Variants in PDE4D observed in about 807,000 individuals in gnomAD.
PDE4D encodes 3',5'-cyclic-AMP phosphodiesterase 4D.
A neutral mutation model predicts 87.4 loss-of-function variants in PDE4D; 24 were observed. The ratio of observed to expected loss-of-function variants is 0.27; its 90% CI spans 0.20 to 0.39. The LOEUF (loss-of-function observed/expected upper bound fraction) is 0.39. Among genes scored for constraint, PDE4D ranks in the 10% least tolerant of loss-of-function variants. The pLI, the probability that PDE4D is intolerant of heterozygous loss-of-function variation, is 1.00. For missense variants in PDE4D, 714 were observed against 1,041.0 expected (o/e 0.69, Z 4.32); for synonymous variants, 384 against 383.2 (o/e 1.00, Z -0.02).
intron 1 of PDE4D, among the ~76,000 whole-genome samples, chr5:60,407,751 C>T (rs1583655732): frequency 6.6e-6 from 1 of 152,014 alleles, no homozygotes; most frequent in African/African-American, 2.4e-5. Flanking sequence ...CCACGCTTGG[C>T]CCCTTATATT....
intron 2 of PDE4D, among the ~76,000 whole-genome samples, chr5:60,119,604 T>G (rs1778488134): frequency 6.6e-6 from 1 of 152,204 alleles, no homozygotes; most frequent in African/African-American, 2.4e-5. Flanking sequence ...TTCAGTTTCT[T>G]CATTTATTAT....
At chr5:59,966,522 C>G (rs374147428) in intron 3 of PDE4D, among the ~76,000 whole-genome samples, 1 of 152,148 alleles carries the variant, frequency 6.6e-6, no homozygotes, top group African/African-American at 2.4e-5. Flanking sequence ...AAATAAGAAG[C>G]CACCCATAGA....
chr5:59,373,201 G>T (rs940119796), intron 1 of PDE4D, among the ~76,000 whole-genome samples: 1 of 152,100 alleles, frequency 6.6e-6, no homozygotes, highest in Non-Finnish European at 1.5e-5. Context: ...GACAGAAATA[G>T]AATTCAAAAT....
chr5:59,079,848 G>GGGAGAGGAGAGGAGAGGAGAGGAGA (rs36226812), intron 5 of PDE4D, among the ~76,000 whole-genome samples: 2 of 97,976 alleles, frequency 2.0e-5, no homozygotes, highest in Non-Finnish European at 4.1e-5. Flanking sequence ...GGGAGAGGAG[G>GGGAGAGGAGAGGAGAGGAGAGGAGA]GGAGAGGAGA....
At chr5:59,390,178 AAG>A (rs1318688667) in intron 1 of PDE4D, among the ~76,000 whole-genome samples, 6 of 152,142 alleles carry the variant, frequency 3.9e-5, no homozygotes, top group Admixed American at 2.6e-4. Context: ...GTAAGAAAAA[AAG>A]AGAAGAAATT....
intron 1 of PDE4D, among the ~76,000 whole-genome samples, chr5:60,426,840 T>C (rs1184568568): frequency 1.3e-5 from 2 of 152,096 alleles, no homozygotes; most frequent in Non-Finnish European, 1.5e-5. Context: ...ACAGGAAATA[T>C]GATCTCAAGG....
In PDE4D at chr5:60,197,864, G is replaced by A. The variant is rs555640602; in HGVS notation, c.-89-12177C>T. On this transcript the variant is annotated intron_variant, in intron 1 of 16. Coordinates refer to the PDE4D transcript ENST00000502484. The stretch of plus-strand genomic sequence containing the variant: ...TCTGTCTCTTAGGAAGCAACAGCCC[G>A]TTAGCGCCCTTGCAAGGGAATGAGC... 5.9e-5 allele frequency among the ~76,000 whole-genome samples: 9 copies of A among 151,614 alleles called. No individual in the cohort carries two copies. The South Asian group carries it at 6.2e-4, about 11-fold the overall frequency.
intron 2 of PDE4D, among the ~76,000 whole-genome samples, chr5:60,174,349 CA>C (rs1372900051): frequency 1.3e-5 from 2 of 151,900 alleles, no homozygotes; most frequent in Non-Finnish European, 2.9e-5. Flanking sequence ...CTAGAATTGT[CA>C]AAAGAGATAT....
intron 1 of PDE4D, among the ~76,000 whole-genome samples, chr5:60,305,301 T>C (rs1187109620): frequency 6.6e-6 from 1 of 151,996 alleles, no homozygotes; most frequent in East Asian, 1.9e-4. Flanking sequence ...AGAATTTTTT[T>C]AAAGGAAGAT....
chr5:59,227,373 G>A (rs1002498988), intron 1 of PDE4D, among the ~76,000 whole-genome samples: 3 of 151,844 alleles, frequency 2.0e-5, no homozygotes, highest in Non-Finnish European at 2.9e-5. Context: ...TGCAACAAAA[G>A]CAAAAATTGA....
At chr5:59,384,508 CGAT>C (rs1240526871) in intron 1 of PDE4D, among the ~76,000 whole-genome samples, 1 of 151,984 alleles carries the variant, frequency 6.6e-6, no homozygotes, top group Non-Finnish European at 1.5e-5. Flanking sequence ...AGCTCCCTGT[CGAT>C]GATATGTAGT....
chr5:59,891,173 A>G (rs1335229321), intron 1 of PDE4D, among the ~76,000 whole-genome samples: 2 of 152,264 alleles, frequency 1.3e-5, no homozygotes, highest in African/African-American at 4.8e-5. Flanking sequence ...TTCAAATAGA[A>G]CAATTAATCA....
intron 1 of PDE4D, among the ~76,000 whole-genome samples, chr5:59,839,980 TC>T (rs371975306): frequency 9.5e-4 from 145 of 152,166 alleles, no homozygotes; most frequent in African/African-American, 3.3e-3. Flanking sequence ...TGAGTTCTTG[TC>T]CTGTCCTACA....
intron 1 of PDE4D, among the ~76,000 whole-genome samples, chr5:59,474,465 G>C (rs1802969476): frequency 6.6e-6 from 1 of 152,002 alleles, no homozygotes. Context: ...CTCCCCTTTG[G>C]TATCCTACAT....
At chr5:60,509,572 G>A (rs1309882012) in intron 1 of PDE4D, among the ~76,000 whole-genome samples, 1 of 152,098 alleles carries the variant, frequency 6.6e-6, no homozygotes, top group African/African-American at 2.4e-5. Context: ...CCCCTCCAAT[G>A]CTAAGACTCC....
At chr5:60,054,836 A>G (rs1770604633) in intron 2 of PDE4D, among the ~76,000 whole-genome samples, 1 of 152,154 alleles carries the variant, frequency 6.6e-6, no homozygotes, top group African/African-American at 2.4e-5. Flanking sequence ...AATAAACAAA[A>G]CCAGACCAAA....
In PDE4D at chr5:58,975,605, T is replaced by C. The variant is rs1270657358; in HGVS notation, c.2013+52A>G. ...TCATATGTAATACAAAGTAACCAAA[T>C]GCTAAAGCGGTAGCTCTGTTCTCTC... On this transcript the variant is annotated intron_variant, in intron 14 of 14. Coordinates refer to ENST00000340635, the MANE Select transcript of PDE4D (RefSeq NM_001104631.2). The surrounding 1 kb of genome is among the most constrained non-coding windows in gnomAD (Gnocchi z 4.2). 7.3e-7 allele frequency: 1 copy of C among 1,369,834 alleles called. No individual in the cohort carries two copies. Among genetic ancestry groups the C allele is most frequent in the African/African-American group, 1.5e-5 (1 of 68,144 alleles). 84.9% of individuals were successfully genotyped at this position (1,369,834 alleles called of 1,614,324 possible).
Position 59,185,202 on chromosome 5 carries a change from G to C in PDE4D, c.745C>G (p.Arg249Gly). The change falls in exon 4 of 15, where the codon CGA becomes GGA. Residue 249 changes from arginine to glycine, a missense_variant. Arg to Gly is a moderately radical substitution (Grantham distance 125). Transcript: ENST00000340635. ...AGGATATCTTACTTGCTAGGTGCTC[G>C]ATCTTGCAAATTAGTTAATGCAGCA... ...NFAALTNLQD[R>G]APSKRSPMCN... is the part of the protein sequence containing the mutation. 1 of 1,612,256 alleles carries C rather than the reference G, an allele frequency of 6.2e-7. No individual in the cohort carries two copies. Among genetic ancestry groups the C allele is most frequent in the Non-Finnish European group, 8.5e-7 (1 of 1,178,590 alleles).
At chr5:59,179,626 C>T in intron 5 of PDE4D, 1 of 447,050 alleles carries the variant, frequency 2.2e-6, no homozygotes, top group Admixed American at 2.6e-5. Context: ...ACCACAAACA[C>T]AGACAGACGT....
Sources: allele counts gnomAD v4.1 joint callset (sites outside exome capture counted in the v4.1 genomes callset), GRCh38; gene constraint gnomAD v4.1.1; non-coding constraint Gnocchi (gnomAD v3.1); transcripts MANE v1.5; gene names NCBI Gene and HGNC (gene_info 2026-07-23, HGNC 2026-07-21).